FHIT: variants seen among roughly 807,000 people sequenced by gnomAD.
The protein encoded by FHIT is bis(5'-adenosyl)-triphosphatase.
A neutral mutation model predicts 17.9 loss-of-function variants in FHIT; 19 were observed. The observed-to-expected ratio is 1.06, with a 90% CI of 0.74 to 1.56. The LOEUF is 1.56. Ranked by LOEUF, FHIT falls within the 40% of genes most tolerant of loss-of-function variation. The probability of loss-of-function intolerance (pLI) is 0.00; values close to 1 mark genes in which losing one functional copy is unlikely to be tolerated. For synonymous variants in FHIT, 81 were observed against 69.7 expected (o/e 1.16, Z -0.81); for missense variants, 248 against 189.2 (o/e 1.31, Z -1.82).
intron 5 of FHIT, among the ~76,000 whole-genome samples, chr3:60,534,135 TGCGTCTCCCAGGCCGG>T (rs1166097088): frequency 6.6e-6 from 1 of 152,128 alleles, no homozygotes; most frequent in Non-Finnish European, 1.5e-5. Flanking sequence ...CTTATTAAGA[TGCGTCTCCCAGGCCGG>T]GCGCGGTGGC....
intron 2 of FHIT, among the ~76,000 whole-genome samples, chr3:61,068,526 C>T (rs1182080408): frequency 1.3e-5 from 2 of 152,198 alleles, no homozygotes; most frequent in East Asian, 3.9e-4. Flanking sequence ...TTTGACTAGA[C>T]TGGGCCCACC....
At chr3:60,783,333 G>A (rs1194590354) in intron 4 of FHIT, among the ~76,000 whole-genome samples, 19 of 152,100 alleles carry the variant, frequency 1.2e-4, no homozygotes, top group Non-Finnish European at 1.5e-5. Context: ...ATTGAACAAC[G>A]ATAAGTTAAT....
intron 8 of FHIT, among the ~76,000 whole-genome samples, chr3:59,839,724 A>G (rs568613057): frequency 6.6e-6 from 1 of 152,298 alleles, no homozygotes; most frequent in African/African-American, 2.4e-5. Context: ...AACACTGCTC[A>G]GAGAATAGCC....
chr3:61,030,754 G>A (rs188139541), intron 3 of FHIT, among the ~76,000 whole-genome samples: 21 of 152,290 alleles, frequency 1.4e-4, no homozygotes, highest in Non-Finnish European at 2.8e-4. Flanking sequence ...TTTTAAATAT[G>A]GCAGGTCTGG....
At chr3:60,399,549 G>A (rs888198059) in intron 5 of FHIT, among the ~76,000 whole-genome samples, 9 of 152,236 alleles carry the variant, frequency 5.9e-5, no homozygotes, top group South Asian at 2.1e-4. Flanking sequence ...CACCTATTTC[G>A]TGGTCGGTAG....
chr3:60,489,779 G>C (rs1031477809), intron 5 of FHIT, among the ~76,000 whole-genome samples: 3 of 152,062 alleles, frequency 2.0e-5, no homozygotes, highest in African/African-American at 7.2e-5. Flanking sequence ...TTTCAGTTTT[G>C]GCAGGAGGGC....
chr3:60,320,440 A>G (rs1709373761), intron 5 of FHIT, among the ~76,000 whole-genome samples: 1 of 152,236 alleles, frequency 6.6e-6, no homozygotes, highest in Non-Finnish European at 1.5e-5. Flanking sequence ...GGAGAGGAAA[A>G]AAAATAGGAT....
intron 4 of FHIT, among the ~76,000 whole-genome samples, chr3:60,574,408 A>G (rs1340447446): frequency 6.6e-6 from 1 of 150,762 alleles, no homozygotes; most frequent in Non-Finnish European, 1.5e-5. Context: ...GATTGTGAGC[A>G]TAGCTCAGAG....
intron 1 of FHIT, among the ~76,000 whole-genome samples, chr3:61,205,067 C>A (rs960142249): frequency 6.7e-6 from 1 of 148,842 alleles, no homozygotes; most frequent in East Asian, 2.0e-4. Context: ...TGAGAACATG[C>A]GCTGTTTGGT....
intron 5 of FHIT, among the ~76,000 whole-genome samples, chr3:60,240,047 T>TA (rs1322514832): frequency 6.6e-6 from 1 of 152,152 alleles, no homozygotes; most frequent in Non-Finnish European, 1.5e-5. Context: ...CAAAAAACTG[T>TA]AAAAATTATA....
rs185303501 is a variant in FHIT, at chr3:61,129,860, T to A, written c.-164+70757A>T. Among the ~76,000 whole-genome samples the A allele has an allele frequency of 8.3e-4, 127 of 152,342 alleles. No individual in the cohort carries two copies. The Middle Eastern group carries it at 0.01, about 12-fold the overall frequency. ...TTCCCTAGCAGCACTGAATTCTTAA[T>A]CATTCACTTATCCATTTAATCATTC... On this transcript the variant is annotated intron_variant, in intron 2 of 9. Transcript: ENST00000492590.
chr3:60,957,254 T>G (rs1174983972), intron 3 of FHIT, among the ~76,000 whole-genome samples: 2 of 143,510 alleles, frequency 1.4e-5, no homozygotes, highest in Admixed American at 6.8e-5. Flanking sequence ...TTTTTTTTTT[T>G]TGAGACAGAA....
chr3:59,830,100 C>A (rs902496159), intron 8 of FHIT, among the ~76,000 whole-genome samples: 5 of 152,032 alleles, frequency 3.3e-5, no homozygotes, highest in South Asian at 2.1e-4. Flanking sequence ...AACAACCCCC[C>A]CCTCAAAAGT....
At chr3:61,102,152 T>G (rs7645096) in intron 2 of FHIT, among the ~76,000 whole-genome samples, 53,727 of 151,800 alleles carry the variant, frequency 0.35, 11,525 homozygotes, top group Non-Finnish European at 0.49. Flanking sequence ...AGGGAATGCT[T>G]CCAGTTTTTA....
At chr3:60,803,460 G>A (rs1466417633) in intron 4 of FHIT, among the ~76,000 whole-genome samples, 1 of 152,180 alleles carries the variant, frequency 6.6e-6, no homozygotes, top group African/African-American at 2.4e-5. Flanking sequence ...CGTTCATTCA[G>A]CTCTTTCTAG....
chr3:60,528,878 G>C (rs1352722659), intron 5 of FHIT, among the ~76,000 whole-genome samples: 4 of 152,194 alleles, frequency 2.6e-5, no homozygotes, highest in African/African-American at 9.7e-5. Flanking sequence ...GCACAGTAGA[G>C]AGCTTTCAGG....
At chr3:60,304,442 C>G (rs741897) in intron 5 of FHIT, among the ~76,000 whole-genome samples, 67,625 of 151,574 alleles carry the variant, frequency 0.45, 16,451 homozygotes, top group East Asian at 0.84. Flanking sequence ...CCAGGAAACA[C>G]TCTATGAGCT....
chr3:61,217,442 G>A (rs1019407919), intron 1 of FHIT, among the ~76,000 whole-genome samples: 3 of 152,184 alleles, frequency 2.0e-5, no homozygotes, highest in African/African-American at 7.2e-5. Flanking sequence ...TGTCCATGTG[G>A]CCTCTCCATG....
intron 5 of FHIT, among the ~76,000 whole-genome samples, chr3:60,102,335 A>G (rs969561): frequency 0.15 from 23,325 of 152,228 alleles, 2,103 homozygotes; most frequent in Non-Finnish European, 0.19. Flanking sequence ...GTGCAGAAGC[A>G]TAAAGTTTTG....
Sources: allele counts gnomAD v4.1 joint callset (sites outside exome capture counted in the v4.1 genomes callset), GRCh38; gene constraint gnomAD v4.1.1; transcripts MANE v1.5; gene names NCBI Gene and HGNC (gene_info 2026-07-23, HGNC 2026-07-21).